Variants in EPS8 observed in about 807,000 individuals in gnomAD.
EPS8 encodes the protein EGFR pathway substrate 8, signaling adaptor.
EPS8 carries 42 observed loss-of-function variants against 103.8 expected under a neutral mutation model. The observed-to-expected ratio is 0.40, with a 90% CI of 0.32 to 0.52. The LOEUF is 0.52. EPS8 is among the 20% of genes least tolerant of loss of function. The pLI is 0.40. For missense variants in EPS8, 969 were observed against 1,005.1 expected (o/e 0.96, Z 0.49); for synonymous variants, 344 against 344.6 (o/e 1.00, Z 0.02).
chr12:15,668,308 T>C (rs577039750), intron 6 of EPS8, among the ~76,000 whole-genome samples: 1 of 152,332 alleles, frequency 6.6e-6, no homozygotes, highest in South Asian at 2.1e-4. Context: ...AATCTTACTT[T>C]ATCTATCATC....
intron 1 of EPS8, among the ~76,000 whole-genome samples, chr12:15,786,421 T>A (rs1349716333): frequency 3.3e-5 from 5 of 151,782 alleles, no homozygotes; most frequent in Admixed American, 2.6e-4. Flanking sequence ...TAGGGAGACA[T>A]TACGAGGAAA....
rs1280670094 is a variant in EPS8 at position 15,695,051 on chromosome 12, A to G, written c.-21-12079T>C. On this transcript the variant is annotated intron_variant, in intron 1 of 20. Transcript: ENST00000281172. This position sits in a 1 kb window ranked among gnomAD's most constrained non-coding sequence, Gnocchi z 5.0. Reference sequence around the variant, plus strand: ...ACATGCATTATCTTACTTCTTATTAAGAGGTAAAAAGAACTTCTTATTCTC... The same window carrying G: ...ACATGCATTATCTTACTTCTTATTAGGAGGTAAAAAGAACTTCTTATTCTC... Among the ~76,000 whole-genome samples, 3 of 152,304 alleles carry G rather than the reference A, an allele frequency of 2.0e-5. No individual in the cohort carries two copies. Among genetic ancestry groups the G allele is most frequent in the South Asian group, 4.1e-4 (2 of 4,826 alleles).
intron 18 of EPS8, among the ~76,000 whole-genome samples, chr12:15,628,632 T>C (rs900075349): frequency 2.0e-4 from 30 of 152,368 alleles, no homozygotes; most frequent in Admixed American, 1.8e-3. Context: ...TTCACAGTTA[T>C]TTTGAATAGG....
In EPS8 at chr12:15,647,056, T is replaced by C. The variant is rs61908095; in HGVS notation, c.1568+71A>G. 0.034 allele frequency: 47,995 copies of C among 1,420,780 alleles called. 986 individuals are homozygous for C. Among genetic ancestry groups the C allele is most frequent in the Admixed American group, 0.041 (1,941 of 47,046 alleles). The allele number at this position is 1,420,780 out of a possible 1,614,324, so 88.0% of individuals were successfully genotyped here. ...AAGAAGCAGTAGACAATACAGACAC[T>C]GTCACCTCTGTTAGCACTAGATCAG... On this transcript the variant is annotated intron_variant, in intron 15 of 20. Transcript: ENST00000281172.
intron 6 of EPS8, among the ~76,000 whole-genome samples, chr12:15,666,854 C>T (rs1565489192): frequency 6.6e-6 from 1 of 152,110 alleles, no homozygotes; most frequent in Non-Finnish European, 1.5e-5. Flanking sequence ...GGGTTAGAGG[C>T]TCCCACACAT....
chr12:15,727,324 C>T lies in EPS8; in HGVS notation c.-21-44352G>A, dbSNP rs908005119. On this transcript the variant is annotated intron_variant, in intron 1 of 20. Coordinates refer to ENST00000281172, the MANE Select transcript of EPS8 (RefSeq NM_004447.6). The surrounding 1 kb of genome is among the most constrained non-coding windows in gnomAD (Gnocchi z 4.3). ...ACTCTCACTATATCCCCAAGTAGAT[C>T]TGACCATTTGGCATATAGTATATAT... Among the ~76,000 whole-genome samples, 1 of 152,192 alleles carries T rather than the reference C, an allele frequency of 6.6e-6. No homozygotes were observed. Among genetic ancestry groups the T allele is most frequent in the African/African-American group, 2.4e-5 (1 of 41,446 alleles).
chr12:15,658,413 C>A (rs533984346), intron 11 of EPS8, 84 bp downstream of exon 11: 9 of 1,029,524 alleles, frequency 8.7e-6, no homozygotes, highest in Admixed American at 6.6e-5. Flanking sequence ...AATTTTATTT[C>A]TTAATTTAAT....
rs1166672441 is a variant in EPS8 at position 15,747,729 on chromosome 12, G to GA, written c.-22+41431dup. On this transcript the variant is annotated intron_variant, in intron 1 of 20. Transcript: ENST00000281172. The surrounding 1 kb of genome is among the most constrained non-coding windows in gnomAD (Gnocchi z 4.4). ...AAACAGGACAAATACTCCAATTTAA[G>GA]AAAAAAAATAGCCAGGCGCAGTGGC... is the stretch of plus-strand genomic sequence containing the variant. 3.3e-5 allele frequency among the ~76,000 whole-genome samples: 5 copies of GA among 151,818 alleles called. No homozygotes were observed. The highest frequency in any genetic ancestry group is 5.9e-5 in the Non-Finnish European group (4 of 67,938).
At chr12:15,765,320 T>C (rs527702607) in intron 1 of EPS8, among the ~76,000 whole-genome samples, 1 of 152,266 alleles carries the variant, frequency 6.6e-6, no homozygotes, top group South Asian at 2.1e-4. Context: ...CATGTATAAA[T>C]ACTACCAAGG....
At chr12:15,653,356 T>C (rs1303672943) in intron 13 of EPS8, among the ~76,000 whole-genome samples, 1 of 152,206 alleles carries the variant, frequency 6.6e-6, no homozygotes, top group Non-Finnish European at 1.5e-5. Flanking sequence ...TCTAACTCTT[T>C]AGCATGGCAC....
chr12:15,669,434 T>G lies in EPS8; in HGVS notation c.469A>C (p.Thr157Pro). The G allele has an allele frequency of 6.2e-7, 1 of 1,614,088 alleles. No individual in the cohort carries two copies. Among genetic ancestry groups the G allele is most frequent in the Non-Finnish European group, 8.5e-7 (1 of 1,179,966 alleles). Residue 157 changes from threonine to proline, a missense_variant, in exon 6 of 21, where the codon ACC (threonine) becomes CCC (proline). Transcript: ENST00000281172. ...SVLALVCKEP[T>P]QNKPDLHLFQ... ...AGATGAAGATCTGGCTTGTTCTGGG[T>G]TGGCTCTTTGCACACCAGTGCAAGA...
At chr12:15,750,886 C>A (rs1408169559) in intron 1 of EPS8, among the ~76,000 whole-genome samples, 2 of 152,108 alleles carry the variant, frequency 1.3e-5, no homozygotes, top group Non-Finnish European at 2.9e-5. Flanking sequence ...GTAAAAATAT[C>A]CCTTCTTTTT....
chr12:15,777,137 T>C lies in EPS8; in HGVS notation c.-22+12024A>G, dbSNP rs1947214625. Among the ~76,000 whole-genome samples the C allele has an allele frequency of 6.6e-6, 1 of 152,126 alleles. No individual in the cohort carries two copies. Among genetic ancestry groups the C allele is most frequent in the Admixed American group, 6.5e-5 (1 of 15,274 alleles). ...GAGGTAAGATGAAGTCACTTTTATA[T>C]CTATTTTAAGATTCTTTACAATGCC... On this transcript the variant is annotated intron_variant, in intron 1 of 20. Coordinates refer to ENST00000281172, the MANE Select transcript of EPS8 (RefSeq NM_004447.6). This position sits in a 1 kb window ranked among gnomAD's most constrained non-coding sequence, Gnocchi z 4.7.
chr12:15,677,597 G>A (rs964672159), intron 3 of EPS8, among the ~76,000 whole-genome samples: 10 of 152,146 alleles, frequency 6.6e-5, no homozygotes, highest in African/African-American at 1.9e-4. Flanking sequence ...ATTTCAACTC[G>A]TTTAAAATTG....
intron 1 of EPS8, among the ~76,000 whole-genome samples, chr12:15,739,560 T>TC (rs1174083877): frequency 2.0e-5 from 3 of 152,098 alleles, no homozygotes; most frequent in Non-Finnish European, 2.9e-5. Context: ...AGGACACCCT[T>TC]CTTCTCCCGA....
Position 15,695,596 on chromosome 12 carries a change from C to T in EPS8, c.-21-12624G>A, listed in dbSNP as rs908261384. Among the ~76,000 whole-genome samples, 1 of 152,178 alleles carries T rather than the reference C, an allele frequency of 6.6e-6. No homozygotes were observed. The highest frequency in any genetic ancestry group is 6.5e-5 in the Admixed American group (1 of 15,270). On this transcript the variant is annotated intron_variant, in intron 1 of 20. Transcript: ENST00000281172. This position sits in a 1 kb window ranked among gnomAD's most constrained non-coding sequence, Gnocchi z 5.0. The stretch of plus-strand genomic sequence containing the variant: ...ACAGCTACCACACTAGACAGGGTAG[C>T]TCTACATATTGAGTGCATGGTTAGC...
chr12:15,763,949 CG>C (rs533527215), intron 1 of EPS8, among the ~76,000 whole-genome samples: 246 of 152,226 alleles, frequency 1.6e-3, no homozygotes, highest in African/African-American at 4.3e-3. Context: ...CAACAATATT[CG>C]GCATGGTATT....
intron 1 of EPS8, among the ~76,000 whole-genome samples, chr12:15,715,924 T>G (rs1591889916): frequency 6.8e-6 from 1 of 146,416 alleles, no homozygotes; most frequent in African/African-American, 2.5e-5. Flanking sequence ...CTGAAGGGAG[T>G]GAGAAGAGGA....
chr12:15,679,784 T>C (rs183351224), intron 3 of EPS8, among the ~76,000 whole-genome samples: 2 of 152,350 alleles, frequency 1.3e-5, no homozygotes, highest in Admixed American at 6.5e-5. Flanking sequence ...TAGTCATCTT[T>C]GAAATGAATG....
Sources: allele counts gnomAD v4.1 joint callset (sites outside exome capture counted in the v4.1 genomes callset), GRCh38; gene constraint gnomAD v4.1.1; non-coding constraint Gnocchi (gnomAD v3.1); transcripts MANE v1.5; gene names NCBI Gene and HGNC (gene_info 2026-07-23, HGNC 2026-07-21).